TCF4: variants seen among roughly 807,000 people sequenced by gnomAD.
TCF4 encodes transcription factor 4.
TCF4 carries 3 observed loss-of-function variants against 82.1 expected under a neutral mutation model. The ratio of observed to expected loss-of-function variants is 0.04; its 90% confidence interval spans 0.02 to 0.09. TCF4 has a LOEUF of 0.09. Among genes scored for constraint, TCF4 ranks in the 10% least tolerant of loss-of-function variants. The pLI, the probability that TCF4 is intolerant of heterozygous loss-of-function variation, is 1.00. For missense variants in TCF4, 518 were observed against 852.7 expected (o/e 0.61, Z 4.89); for synonymous variants, 276 against 309.6 (o/e 0.89, Z 1.14).
intron 6 of TCF4, among the ~76,000 whole-genome samples, chr18:55,379,400 A>G (rs1307519028): frequency 6.6e-6 from 1 of 152,178 alleles, no homozygotes; most frequent in Non-Finnish European, 1.5e-5. Flanking sequence ...GTAGGGGAGG[A>G]GCTGAAATCT....
Position 55,511,244 on chromosome 18 carries a change from A to T in TCF4, c.146-47107T>A, listed in dbSNP as rs602554. Among the ~76,000 whole-genome samples the T allele has an allele frequency of 1.1e-4, 16 of 151,368 alleles. No homozygotes were observed. The South Asian group carries it at 3.1e-3, about 30-fold the overall frequency. On this transcript the variant is annotated intron_variant, in intron 3 of 19. Transcript: ENST00000354452. ...AGTTCAGCAAAGTATAACCGGAAGC[A>T]ATGAAGGGCAGAATATGTTAATAAA...
At position 55,350,896 on chromosome 18, in the gene TCF4, C is replaced by A; in HGVS notation, c.477G>T (p.Arg159Ser). The A allele has an allele frequency of 6.2e-7, 1 of 1,613,536 alleles. No homozygotes were observed. The highest frequency in any genetic ancestry group is 8.5e-7 in the Non-Finnish European group (1 of 1,179,570). ...YQYSSNNPRR[R>S]PLHSSAMEVQ... ...TACCCATGGCACTACTGTGAAGAGGCCTCCTTCGGGGATTATTGCTAGAAT... is the reference window on the plus strand; with the variant it reads ...TACCCATGGCACTACTGTGAAGAGGACTCCTTCGGGGATTATTGCTAGAAT... The change falls in exon 7 of 20, where the codon AGG becomes AGT. Residue 159 changes from arginine to serine, a missense_variant. Arg to Ser is a moderately radical substitution (Grantham distance 110, BLOSUM62 -1). Around this residue, in one of 7 missense-constraint regions of TCF4, gnomAD observed 211 missense variants for 327.4 expected, o/e 0.64. Transcript: ENST00000354452.
chr18:55,401,326 C>T lies in TCF4; in HGVS notation c.369+2128G>A, dbSNP rs140494480. On this transcript the variant is annotated intron_variant, in intron 6 of 19. Coordinates refer to ENST00000354452, the MANE Select transcript of TCF4 (RefSeq NM_001083962.2). ...GTTTATGGAGATTGCTGCGACCACG[C>T]TAAGCACAGAGATAGTAGACTCTTG... 3.1e-5 allele frequency: 36 copies of T among 1,169,414 alleles called. 1 individual carries two copies. In the African/African-American group the frequency reaches 5.6e-4, roughly 18 times the overall value. 72.4% of individuals were successfully genotyped at this position (1,169,414 alleles called of 1,614,324 possible).
intron 5 of TCF4, among the ~76,000 whole-genome samples, chr18:55,457,718 T>G (rs1006133642): frequency 6.6e-6 from 1 of 152,134 alleles, no homozygotes; most frequent in African/African-American, 2.4e-5. Flanking sequence ...TTTATTACTC[T>G]TATAATTTAT....
At chr18:55,632,671 C>A (rs1486181289) in intron 1 of TCF4, among the ~76,000 whole-genome samples, 1 of 152,192 alleles carries the variant, frequency 6.6e-6, no homozygotes, top group African/African-American at 2.4e-5. Flanking sequence ...AAGAGCATCT[C>A]TATAGTACTG....
chr18:55,434,548 T>A (rs1179735736), intron 5 of TCF4, among the ~76,000 whole-genome samples: 1 of 150,878 alleles, frequency 6.6e-6, no homozygotes, highest in Non-Finnish European at 1.5e-5. Context: ...GCCTCCCAAG[T>A]AGCTGGGACT....
chr18:55,627,521 T>C (rs1435481671), intron 2 of TCF4, among the ~76,000 whole-genome samples: 1 of 152,138 alleles, frequency 6.6e-6, no homozygotes, highest in African/African-American at 2.4e-5. Context: ...CTCAGCACTT[T>C]GGGAGGCCAA....
chr18:55,593,756 A>C (rs1172673122), intron 2 of TCF4, among the ~76,000 whole-genome samples: 3 of 152,214 alleles, frequency 2.0e-5, no homozygotes, highest in African/African-American at 7.2e-5. Flanking sequence ...AAATTCATCC[A>C]AAGATGCAGC....
rs1209315417 is a variant in TCF4, at chr18:55,588,098, A to AACCGCCGCCGCC, written c.-93_-82dup. ...CGGCGCCGAGGCGGCGTTCATGTCTAACCGCCGCCGCCACCGCCGCCGCCT... is the reference window on the plus strand; with the variant it reads ...CGGCGCCGAGGCGGCGTTCATGTCTAACCGCCGCCGCCACCGCCGCCGCCACCGCCGCCGCCT... On this transcript the variant is annotated 5_prime_UTR_variant, in exon 1 of 20. Coordinates refer to ENST00000354452, the MANE Select transcript of TCF4 (RefSeq NM_001083962.2). 7.5e-5 allele frequency: 76 copies of AACCGCCGCCGCC among 1,018,774 alleles called. No homozygotes were observed. Among genetic ancestry groups the AACCGCCGCCGCC allele is most frequent in the Non-Finnish European group, 8.4e-5 (72 of 856,856 alleles). 63.1% of individuals were successfully genotyped at this position (1,018,774 alleles called of 1,614,324 possible).
chr18:55,468,914 T>C (rs1168063175), intron 3 of TCF4, among the ~76,000 whole-genome samples: 1 of 140,360 alleles, frequency 7.1e-6, no homozygotes, highest in Non-Finnish European at 1.5e-5. Context: ...GCCACCCTTT[T>C]TCCAAGATGG....
intron 8 of TCF4, among the ~76,000 whole-genome samples, chr18:55,281,113 T>C (rs2062517146): frequency 6.6e-6 from 1 of 152,178 alleles, no homozygotes; most frequent in Admixed American, 6.6e-5. Flanking sequence ...TTTGTAATTT[T>C]CATCACATTT....
intron 11 of TCF4, among the ~76,000 whole-genome samples, chr18:55,262,683 C>T (rs1300816861): frequency 2.0e-5 from 3 of 152,138 alleles, no homozygotes; most frequent in South Asian, 2.1e-4. Flanking sequence ...GTAGTGGGGT[C>T]GGATCTTCAG....
intron 3 of TCF4, among the ~76,000 whole-genome samples, chr18:55,555,781 C>T (rs2097298422): frequency 6.6e-6 from 1 of 152,158 alleles, no homozygotes; most frequent in South Asian, 2.1e-4. Context: ...GCAATTACAG[C>T]TTAATAGCTG....
At chr18:55,363,383 A>G (rs888466135) in intron 6 of TCF4, among the ~76,000 whole-genome samples, 1 of 152,260 alleles carries the variant, frequency 6.6e-6, no homozygotes, top group Non-Finnish European at 1.5e-5. Context: ...GTTTAAATGC[A>G]AAGGTTAAAA....
intron 6 of TCF4, among the ~76,000 whole-genome samples, chr18:55,361,531 C>T (rs2085198413): frequency 6.6e-6 from 1 of 152,204 alleles, no homozygotes; most frequent in Admixed American, 6.5e-5. Flanking sequence ...TCCTGGAAGA[C>T]CCTTTCTTCC....
At chr18:55,249,543 C>T (rs2054362063) in intron 15 of TCF4, among the ~76,000 whole-genome samples, 1 of 152,192 alleles carries the variant, frequency 6.6e-6, no homozygotes, top group African/African-American at 2.4e-5. Flanking sequence ...TCTTTCACTA[C>T]TGGATAAGGG....
chr18:55,272,525 G>A (rs1013531979), intron 10 of TCF4, among the ~76,000 whole-genome samples: 2 of 151,986 alleles, frequency 1.3e-5, no homozygotes, highest in Non-Finnish European at 2.9e-5. Context: ...CCTGTATTTC[G>A]TGTCTATTAA....
At chr18:55,577,115 TA>T (rs908835486) in intron 3 of TCF4, among the ~76,000 whole-genome samples, 3 of 146,270 alleles carry the variant, frequency 2.1e-5, no homozygotes, top group Non-Finnish European at 4.5e-5. Flanking sequence ...TATATGTATA[TA>T]TACATTTATA....
At chr18:55,492,894 G>T (rs1442507304) in intron 3 of TCF4, among the ~76,000 whole-genome samples, 1 of 152,132 alleles carries the variant, frequency 6.6e-6, no homozygotes, top group Non-Finnish European at 1.5e-5. Flanking sequence ...TCACCACTGT[G>T]ACCAAACTGT....
Sources: allele counts gnomAD v4.1 joint callset (sites outside exome capture counted in the v4.1 genomes callset), GRCh38; gene constraint gnomAD v4.1.1; regional missense constraint gnomAD v4.1.1; transcripts MANE v1.5; gene names NCBI Gene and HGNC (gene_info 2026-07-23, HGNC 2026-07-21).